MAMSTR: variants seen among roughly 807,000 people sequenced by gnomAD.
The protein encoded by MAMSTR is MEF2-activating motif and SAP domain-containing transcriptional regulator.
Under a neutral mutation model 42.7 loss-of-function variants are expected in MAMSTR, and 41 were observed. The ratio of observed to expected loss-of-function variants is 0.96; its 90% CI spans 0.75 to 1.25. The LOEUF (loss-of-function observed/expected upper bound fraction) is 1.25. Ranked by LOEUF, MAMSTR falls within the 50% of genes most tolerant of loss-of-function variation. The pLI, the probability that MAMSTR is intolerant of heterozygous loss-of-function variation, is 0.00. For missense variants in MAMSTR, 567 were observed against 557.6 expected, an observed-to-expected ratio of 1.02 and a Z score of -0.17; for synonymous variants, 265 against 244.1, an observed-to-expected ratio of 1.09 and a Z score of -0.80.
chr19:48,716,672 C>A, intron 3 of MAMSTR, 33 bp downstream of exon 3: 2 of 1,330,874 alleles, frequency 1.5e-6, no homozygotes, highest in South Asian at 2.2e-5. Context: ...AGTGGGGGGT[C>A]ACCATCCCCT....
At chr19:48,708,748 G>T (rs527763864), downstream of MAMSTR, among the ~76,000 whole-genome samples, 8 of 152,258 alleles carry the variant, frequency 5.3e-5, no homozygotes, top group South Asian at 1.2e-3. Flanking sequence ...GGAGGCAGGT[G>T]GGGGGCCTGG....
chr19:48,713,159 G>A lies in MAMSTR; in HGVS notation c.*108C>T, dbSNP rs2032784443. On this transcript the variant is annotated 3_prime_UTR_variant, in exon 10 of 10. Transcript: ENST00000318083. ...GCAGGTGGGGTTGGAGGTTGTCTCC[G>A]ATCCTGTGTCTGCGGTAGGAGGGGC... is the stretch of plus-strand genomic sequence containing the variant. 1.8e-6 allele frequency: 2 copies of A among 1,133,860 alleles called. No individual in the cohort carries two copies. Among genetic ancestry groups the A allele is most frequent in the Admixed American group, 2.9e-5 (1 of 33,904 alleles). 70.2% of individuals were successfully genotyped at this position (1,133,860 alleles called of 1,614,324 possible). A position where few individuals can be genotyped will look rare whatever the true frequency, so the allele number is the denominator to read the frequency against.
chr19:48,708,526 A>T (rs1179383588), downstream of MAMSTR, among the ~76,000 whole-genome samples: 1 of 151,992 alleles, frequency 6.6e-6, no homozygotes, highest in Non-Finnish European at 1.5e-5. Flanking sequence ...GGCAGGAGGG[A>T]GGGATGAAGT....
chr19:48,706,453 C>T, the MAMSTR span, among the ~76,000 whole-genome samples: 2 of 151,796 alleles, frequency 1.3e-5, no homozygotes, highest in Non-Finnish European at 2.9e-5. Context: ...GCCTGGCCAA[C>T]ATAGTGAAAC....
downstream of MAMSTR, among the ~76,000 whole-genome samples, chr19:48,710,834 G>A (rs561586354): frequency 1.1e-4 from 16 of 152,094 alleles, no homozygotes; most frequent in East Asian, 2.5e-3. Flanking sequence ...TGATCCACCC[G>A]CCTCGGCCTC....
Position 48,714,424 on chromosome 19 carries a change from C to G in MAMSTR, c.665G>C (p.Gly222Ala). 7.2e-7 allele frequency: 1 copy of G among 1,388,332 alleles called. No homozygotes were observed. 86.0% of individuals were successfully genotyped at this position (1,388,332 alleles called of 1,614,324 possible). ...GGGCTTGAGGCGCGGCCAGGGAGCA[C>G]CCGCGGGACTGTCCTCGCGCCGCGG... Reference protein sequence around the residue: ...PKPRREDSPAGAPWPRLKPKA... With the variant: ...PKPRREDSPAAAPWPRLKPKA... Residue 222 changes from glycine (G) to alanine (A), a missense_variant, in exon 7 of 10, where the codon GGT becomes GCT. Coordinates refer to ENST00000318083, the MANE Select transcript of MAMSTR (RefSeq NM_001130915.2).
downstream of MAMSTR, among the ~76,000 whole-genome samples, chr19:48,708,427 C>A (rs2032685079): frequency 1.3e-5 from 2 of 151,994 alleles, no homozygotes; most frequent in African/African-American, 2.4e-5. Flanking sequence ...ATGTAAATAT[C>A]CACCTTCTGT....
At chr19:48,706,907 G>A in the MAMSTR span, among the ~76,000 whole-genome samples, 1 of 151,280 alleles carries the variant, frequency 6.6e-6, no homozygotes, top group Non-Finnish European at 1.5e-5. Flanking sequence ...GACCAGCTTG[G>A]GCAACATAGG....
At chr19:48,707,879 G>GAAAGAAAGAA (rs1568464043), downstream of MAMSTR, among the ~76,000 whole-genome samples, 1 of 109,480 alleles carries the variant, frequency 9.1e-6, no homozygotes, top group African/African-American at 3.9e-5. Flanking sequence ...AAGAAAGAAA[G>GAAAGAAAGAA]AAAGAAAGAA....
Position 48,713,281 on chromosome 19 carries a change from C to T in MAMSTR, c.1234G>A (p.Glu412Lys), listed in dbSNP as rs374547209. The change falls in exon 10 of 10, where the codon GAG becomes AAG. Residue 412 changes from glutamate to lysine, a missense_variant. By Grantham distance (56) the Glu-to-Lys change is moderately conservative. Transcript: ENST00000318083. ...SSSSRLWDLL[E>K]DPW Reference sequence around the variant, plus strand: ...CCTAGAATCCATCACCATGGATCCTCCAGCAGGTCCCACAGCCGGCTGCTG... The same window carrying T: ...CCTAGAATCCATCACCATGGATCCTTCAGCAGGTCCCACAGCCGGCTGCTG... The T allele has an allele frequency of 1.3e-5, 20 of 1,599,834 alleles. No individual in the cohort carries two copies. Among genetic ancestry groups the T allele is most frequent in the Middle Eastern group, 1.7e-4 (1 of 5,904 alleles).
chr19:48,710,701 A>G (rs1217449253), downstream of MAMSTR, among the ~76,000 whole-genome samples: 1 of 151,086 alleles, frequency 6.6e-6, no homozygotes, highest in Non-Finnish European at 1.5e-5. Flanking sequence ...GATTCAAGCA[A>G]TTCTCCTGCC....
chr19:48,714,344 A>G (rs1458745530), intron 7 of MAMSTR, 22 bp downstream of exon 7: 1 of 1,356,430 alleles, frequency 7.4e-7, no homozygotes, highest in South Asian at 1.8e-5. Flanking sequence ...ATTGGTCCGC[A>G]AGCTCATAGC....
At chr19:48,711,999 G>A (rs544850924), downstream of MAMSTR, among the ~76,000 whole-genome samples, 16 of 152,020 alleles carry the variant, frequency 1.1e-4, no homozygotes, top group South Asian at 4.2e-4. Context: ...CTCGTGATCC[G>A]CCCACCTTGG....
intron 2 of MAMSTR, among the ~76,000 whole-genome samples, chr19:48,717,488 G>A (rs895029256): frequency 2.7e-5 from 4 of 147,376 alleles, no homozygotes; most frequent in Non-Finnish European, 6.0e-5. Context: ...TTAATTTTTT[G>A]TAGAGACAGG....
At position 48,713,950 on chromosome 19, in the gene MAMSTR, A is replaced by C. The variant is rs2032850076; in HGVS notation, c.819T>G (p.Ala273=). The change falls in exon 8 of 10, where the codon GCT becomes GCG. Residue 273 remains alanine (A), a synonymous_variant. Coordinates refer to ENST00000318083, the MANE Select transcript of MAMSTR (RefSeq NM_001130915.2). Reference sequence around the variant, plus strand: ...AGGAAGGGGTCAGGGCTGGAGCTGCAGCAGGAGCCGGAGTGGGAGTTGGAG... The same window carrying C: ...AGGAAGGGGTCAGGGCTGGAGCTGCCGCAGGAGCCGGAGTGGGAGTTGGAG... The part of the protein sequence containing the change: ...APAPTPTPAP[A]AAPALTPSSG... The C allele has an allele frequency of 3.7e-6, 6 of 1,613,494 alleles. No individual in the cohort carries two copies. The highest frequency in any genetic ancestry group is 5.1e-6 in the Non-Finnish European group (6 of 1,179,760).
At chr19:48,708,575 CGGCAGTGCA>C (rs1045091352), downstream of MAMSTR, among the ~76,000 whole-genome samples, 4 of 152,014 alleles carry the variant, frequency 2.6e-5, no homozygotes, top group African/African-American at 9.7e-5. Context: ...TCGGCAGTGC[CGGCAGTGCA>C]GGAGGCAAGC....
chr19:48,714,989 G>T (rs62130348), intron 5 of MAMSTR, 81 bp from the exon 6 acceptor site: 1 of 939,092 alleles, frequency 1.1e-6, no homozygotes, highest in Non-Finnish European at 1.6e-6. Context: ...AAGACGGGGA[G>T]CTGGGGAAGA....
chr19:48,708,231 CAAAAA>C (rs66744711), downstream of MAMSTR, among the ~76,000 whole-genome samples: 5 of 118,852 alleles, frequency 4.2e-5, no homozygotes, highest in East Asian at 1.5e-3. Context: ...TGAACTCCAT[CAAAAA>C]AAAAAAAAAA....
Position 48,713,947 on chromosome 19 carries a change from T to G in MAMSTR, c.822A>C (p.Ala274=), listed in dbSNP as rs1388765436. The G allele has an allele frequency of 2.5e-6, 4 of 1,613,490 alleles. No homozygotes were observed. Among genetic ancestry groups the G allele is most frequent in the Non-Finnish European group, 3.4e-6 (4 of 1,179,762 alleles). The change falls in exon 8 of 10, where the codon GCA becomes GCC. Residue 274 remains alanine, a synonymous_variant. Coordinates refer to ENST00000318083, the MANE Select transcript of MAMSTR (RefSeq NM_001130915.2). ...CTGAGGAAGGGGTCAGGGCTGGAGC[T>G]GCAGCAGGAGCCGGAGTGGGAGTTG... is the stretch of plus-strand genomic sequence containing the variant. The part of the protein sequence containing the change: ...PAPTPTPAPA[A]APALTPSSGP...
Sources: allele counts gnomAD v4.1 joint callset (sites outside exome capture counted in the v4.1 genomes callset), GRCh38; gene constraint gnomAD v4.1.1; transcripts MANE v1.5; gene names NCBI Gene and HGNC (gene_info 2026-07-23, HGNC 2026-07-21).